CSMD3: variants seen among roughly 807,000 people sequenced by gnomAD.
CSMD3 encodes the protein CUB and Sushi multiple domains 3.
A neutral mutation model predicts 435.2 loss-of-function variants in CSMD3; 177 were observed. The observed-to-expected ratio is 0.41, with a 90% confidence interval of 0.36 to 0.46. CSMD3 has a LOEUF of 0.46. Among genes scored for constraint, CSMD3 ranks in the 20% least tolerant of loss-of-function variants. CSMD3 has a pLI of 0.34. For synonymous variants in CSMD3, 1,656 were observed against 1,520.5 expected (o/e 1.09, Z -2.07); for missense variants, 4,265 against 4,504.6 (o/e 0.95, Z 1.52).
chr8:112,713,062 A>G lies in CSMD3; in HGVS notation c.1973-23012T>C, dbSNP rs534706386. On this transcript the variant is annotated intron_variant, in intron 13 of 70. Transcript: ENST00000297405. ...CAATATCCAGGTATCTAGGTTGTCA[A>G]CAGGACTGACTAGGTGGCTGGCATG... Among the ~76,000 whole-genome samples, 8 of 152,266 alleles carry G rather than the reference A, an allele frequency of 5.3e-5. No homozygotes were observed. In the East Asian group the frequency reaches 1.6e-3, roughly 30 times the overall value.
intron 28 of CSMD3, among the ~76,000 whole-genome samples, chr8:112,511,189 C>G (rs1190541759): frequency 6.6e-6 from 1 of 152,008 alleles, no homozygotes; most frequent in Admixed American, 6.6e-5. Context: ...AAGTGCATAA[C>G]AGCATTGTGT....
intron 30 of CSMD3, among the ~76,000 whole-genome samples, chr8:112,503,103 A>G (rs1169530118): frequency 6.6e-6 from 1 of 152,184 alleles, no homozygotes; most frequent in Non-Finnish European, 1.5e-5. Context: ...ACATTTTCTT[A>G]GAGACACGGT....
chr8:112,604,441 A>G (rs1289800523), intron 22 of CSMD3, among the ~76,000 whole-genome samples: 1 of 152,164 alleles, frequency 6.6e-6, no homozygotes, highest in Non-Finnish European at 1.5e-5. Context: ...AGAAATACAG[A>G]CCAATAGAGT....
rs528521997 is a variant in CSMD3 at position 112,783,301 on chromosome 8, C to G, written c.1972+16861G>C. On this transcript the variant is annotated intron_variant, in intron 13 of 70. Transcript: ENST00000297405. ...GCTATAAGATATTATTTCCACATCT[C>G]ATGGTAACAAAAACTACAACAGATA... Among the ~76,000 whole-genome samples, 3 of 151,128 alleles carry G rather than the reference C, an allele frequency of 2.0e-5. No individual in the cohort carries two copies. The South Asian group carries it at 6.3e-4, about 32-fold the overall frequency.
chr8:112,506,860 T>G, intron 28 of CSMD3, 31 bp from the exon 29 acceptor site: 3 of 1,571,732 alleles, frequency 1.9e-6, no homozygotes, highest in Non-Finnish European at 2.6e-6. Flanking sequence ...TAAAATCTCT[T>G]TAAACATTAA....
chr8:112,386,116 C>T (rs916542359), intron 36 of CSMD3, among the ~76,000 whole-genome samples: 2 of 152,088 alleles, frequency 1.3e-5, no homozygotes, highest in Non-Finnish European at 2.9e-5. Flanking sequence ...CTGGAAAAAA[C>T]CAAGGAAGAG....
chr8:112,817,807 C>G (rs1364525380), intron 12 of CSMD3, among the ~76,000 whole-genome samples: 2 of 152,018 alleles, frequency 1.3e-5, no homozygotes, highest in African/African-American at 4.8e-5. Context: ...AAATTTTTAT[C>G]TATATGGCAA....
intron 15 of CSMD3, among the ~76,000 whole-genome samples, chr8:112,684,959 A>AT (rs985281976): frequency 5.3e-5 from 8 of 151,980 alleles, no homozygotes; most frequent in Non-Finnish European, 8.8e-5. Flanking sequence ...TAGCCATGTG[A>AT]TTTTTTCTTT....
At chr8:113,055,618 G>C (rs1313080635) in intron 5 of CSMD3, among the ~76,000 whole-genome samples, 1 of 152,150 alleles carries the variant, frequency 6.6e-6, no homozygotes, top group Admixed American at 6.5e-5. Context: ...TGAATTGTAT[G>C]TTAAAATCAT....
intron 1 of CSMD3, among the ~76,000 whole-genome samples, chr8:113,384,060 C>T (rs532154533): frequency 6.6e-6 from 1 of 152,300 alleles, no homozygotes; most frequent in East Asian, 1.9e-4. Flanking sequence ...CATCTTACCT[C>T]TTAATATTCA....
chr8:112,542,205 T>C (rs550135792), intron 27 of CSMD3, among the ~76,000 whole-genome samples: 14 of 132,896 alleles, frequency 1.1e-4, no homozygotes, highest in African/African-American at 3.6e-4. Flanking sequence ...TCATACTGTC[T>C]GGAAAAAAAA....
chr8:112,957,911 A>G (rs547721650), intron 7 of CSMD3, among the ~76,000 whole-genome samples: 1 of 151,882 alleles, frequency 6.6e-6, no homozygotes, highest in African/African-American at 2.4e-5. Context: ...GCGCCCAGAT[A>G]TTTTTTGTAT....
chr8:112,792,036 T>C (rs2132293568), intron 13 of CSMD3, among the ~76,000 whole-genome samples: 1 of 152,290 alleles, frequency 6.6e-6, no homozygotes, highest in South Asian at 2.1e-4. Flanking sequence ...TTTCATCAAC[T>C]CTTTTACTGA....
intron 32 of CSMD3, among the ~76,000 whole-genome samples, chr8:112,441,622 A>G (rs913125758): frequency 1.3e-5 from 2 of 152,240 alleles, no homozygotes; most frequent in Non-Finnish European, 2.9e-5. Context: ...TAATTGACTC[A>G]CAGTTCAGCA....
intron 1 of CSMD3, among the ~76,000 whole-genome samples, chr8:113,430,364 TC>T (rs1395030094): frequency 2.8e-5 from 4 of 141,794 alleles, no homozygotes; most frequent in African/African-American, 9.9e-5. Flanking sequence ...CCCGATATTG[TC>T]ATGTATTTTT....
At chr8:113,176,337 A>C (rs531091321) in intron 3 of CSMD3, among the ~76,000 whole-genome samples, 1 of 152,196 alleles carries the variant, frequency 6.6e-6, no homozygotes, top group African/African-American at 2.4e-5. Context: ...TCCTGATTCT[A>C]TAACCACTGC....
chr8:112,384,210 CA>C (rs1180251610), intron 36 of CSMD3, among the ~76,000 whole-genome samples: 1 of 151,978 alleles, frequency 6.6e-6, no homozygotes, highest in Non-Finnish European at 1.5e-5. Flanking sequence ...TTTTAACACG[CA>C]TATTTTTAAT....
At chr8:112,572,669 C>A (rs1193736119) in intron 24 of CSMD3, among the ~76,000 whole-genome samples, 1 of 152,066 alleles carries the variant, frequency 6.6e-6, no homozygotes, top group South Asian at 2.1e-4. Context: ...TACTATACAA[C>A]ATTAATGAGT....
intron 22 of CSMD3, among the ~76,000 whole-genome samples, chr8:112,611,501 T>G (rs1833258055): frequency 6.6e-6 from 1 of 152,172 alleles, no homozygotes; most frequent in African/African-American, 2.4e-5. Context: ...TACTTAGAAT[T>G]TCTATAACAA....
Sources: allele counts gnomAD v4.1 joint callset (sites outside exome capture counted in the v4.1 genomes callset), GRCh38; gene constraint gnomAD v4.1.1; transcripts MANE v1.5; gene names NCBI Gene and HGNC (gene_info 2026-07-23, HGNC 2026-07-21).